Variants in AGK observed in about 807,000 individuals in gnomAD.
The protein encoded by AGK is acylglycerol kinase, also known as acylglycerol kinase, mitochondrial.
Under a neutral mutation model 66.4 loss-of-function variants are expected in AGK, and 52 were observed. That is an observed-to-expected ratio of 0.78 (90% CI 0.63 to 0.99). The LOEUF is 0.99. Among genes scored for constraint, AGK ranks in the 50% least tolerant of loss-of-function variants. The probability of loss-of-function intolerance (pLI) is 0.00; values close to 1 mark genes in which losing one functional copy is unlikely to be tolerated. For synonymous variants in AGK, 182 were observed against 181.1 expected (o/e 1.00, Z -0.04); for missense variants, 451 against 506.6 (o/e 0.89, Z 1.05).
intron 4 of AGK, chr7:141,597,236 T>C (rs1380215042): frequency 6.6e-6 from 1 of 152,408 alleles, no homozygotes; most frequent in African/African-American, 2.4e-5. Flanking sequence ...GTGTGAAGAA[T>C]TGTTGAGACT....
At chr7:141,594,595 C>A (rs1252645623) in intron 3 of AGK, among the ~76,000 whole-genome samples, 1 of 152,160 alleles carries the variant, frequency 6.6e-6, no homozygotes, top group African/African-American at 2.4e-5. Context: ...TCTCTCTCCT[C>A]ATACTTTTTC....
At chr7:141,564,999 T>A (rs1795439852) in intron 2 of AGK, among the ~76,000 whole-genome samples, 1 of 152,126 alleles carries the variant, frequency 6.6e-6, no homozygotes, top group South Asian at 2.1e-4. Flanking sequence ...AGGGCCGGGA[T>A]TAAGGTGTGA....
At chr7:141,647,671 T>G (rs1797448572) in intron 13 of AGK, among the ~76,000 whole-genome samples, 1 of 152,162 alleles carries the variant, frequency 6.6e-6, no homozygotes, top group African/African-American at 2.4e-5. Flanking sequence ...AAAATTATTT[T>G]TATTGATTGA....
At chr7:141,649,363 G>A (rs1376971982) in intron 14 of AGK, 30 bp downstream of exon 14, 5 of 1,533,132 alleles carry the variant, frequency 3.3e-6, no homozygotes, top group Non-Finnish European at 4.5e-6. Flanking sequence ...CAGGAAATGA[G>A]GCTTGTGATT....
At chr7:141,560,986 G>T (rs1364805229) in intron 2 of AGK, among the ~76,000 whole-genome samples, 1 of 151,994 alleles carries the variant, frequency 6.6e-6, no homozygotes, top group Non-Finnish European at 1.5e-5. Flanking sequence ...GTAGAGACGG[G>T]GTTTCATCGT....
intron 11 of AGK, among the ~76,000 whole-genome samples, chr7:141,641,046 C>A (rs774798688): frequency 6.6e-6 from 1 of 152,146 alleles, no homozygotes; most frequent in Non-Finnish European, 1.5e-5. Flanking sequence ...TTGCTGAATT[C>A]ATGGTTTTTA....
chr7:141,566,844 A>AAGTC (rs1795481259), intron 2 of AGK, among the ~76,000 whole-genome samples: 1 of 152,092 alleles, frequency 6.6e-6, no homozygotes, highest in Admixed American at 6.5e-5. Context: ...AATCTTGCTC[A>AAGTC]TACATCTTCA....
At chr7:141,638,870 C>T (rs1051081723) in intron 11 of AGK, among the ~76,000 whole-genome samples, 3 of 152,096 alleles carry the variant, frequency 2.0e-5, no homozygotes, top group Admixed American at 6.6e-5. Flanking sequence ...TGATTTAGGT[C>T]GGAATTCAGC....
At chr7:141,634,878 T>A (rs1447617057) in intron 10 of AGK, among the ~76,000 whole-genome samples, 2 of 152,128 alleles carry the variant, frequency 1.3e-5, no homozygotes, top group Non-Finnish European at 2.9e-5. Flanking sequence ...TTCACTTTAT[T>A]ATTCTTGCTA....
rs117986795 is a variant in AGK, at chr7:141,592,273, G to A, written c.102-873G>A. The stretch of plus-strand genomic sequence containing the variant: ...GGCAAGGGCTATGTTCCTTCTGGAG[G>A]CTCTAGGGGAGAATCCTTTTGCTTT... On this transcript the variant is annotated intron_variant, in intron 2 of 15. Coordinates refer to ENST00000649286, the MANE Select transcript of AGK (RefSeq NM_018238.4). Among the ~76,000 whole-genome samples, 597 of 152,312 alleles carry A rather than the reference G, an allele frequency of 3.9e-3. 3 individuals are homozygous for A. Among genetic ancestry groups the A allele is most frequent in the Non-Finnish European group, 6.1e-3 (418 of 68,030 alleles).
intron 2 of AGK, among the ~76,000 whole-genome samples, chr7:141,589,823 G>A (rs1796071809): frequency 6.6e-6 from 1 of 152,184 alleles, no homozygotes. Flanking sequence ...GCATCCCAAA[G>A]TGCTGGGATT....
rs142209494 is a variant in AGK, at chr7:141,602,921, G to C, written c.297+1641G>C. Among the ~76,000 whole-genome samples the C allele has an allele frequency of 5.9e-3, 888 of 151,718 alleles. 14 individuals carry two copies. The highest frequency in any genetic ancestry group is 0.018 in the East Asian group (94 of 5,180). On this transcript the variant is annotated intron_variant, in intron 5 of 15. Coordinates refer to ENST00000649286, the MANE Select transcript of AGK (RefSeq NM_018238.4). ...GATTTTTCTTGATCTATGTGTTTTT[G>C]AATTTCCAAATCTAAAGTTTTTCTG...
intron 9 of AGK, among the ~76,000 whole-genome samples, chr7:141,631,548 A>T (rs1797056231): frequency 6.6e-6 from 1 of 152,236 alleles, no homozygotes; most frequent in Non-Finnish European, 1.5e-5. Flanking sequence ...GCAAGAAGTC[A>T]TGTTGGCTCT....
Position 141,653,154 on chromosome 7 carries a change from CCTAAACACGGACTT to C in AGK, c.*231_*244del. ...TTATTTTGGTGTGACGGTTGGCCCT[CCTAAACACGGACTT>C]TCCTCAGGCTGGTTCAAGACGGAAA... On this transcript the variant is annotated 3_prime_UTR_variant, in exon 16 of 16. Coordinates refer to ENST00000649286, the MANE Select transcript of AGK (RefSeq NM_018238.4). 1 of 497,818 alleles carries C rather than the reference CCTAAACACGGACTT, an allele frequency of 2.0e-6. No homozygotes were observed. The highest frequency in any genetic ancestry group is 3.6e-6 in the Non-Finnish European group (1 of 276,516). The allele number at this position is 497,818 out of a possible 1,614,324, so 30.8% of individuals were successfully genotyped here.
chr7:141,643,070 G>A lies in AGK; in HGVS notation c.975+1162G>A, dbSNP rs1349238600. Among the ~76,000 whole-genome samples the A allele has an allele frequency of 1.3e-5, 2 of 152,260 alleles. 1 individual carries two copies. Among genetic ancestry groups the A allele is most frequent in the South Asian group, 4.1e-4 (2 of 4,824 alleles). On this transcript the variant is annotated intron_variant, in intron 13 of 15. Coordinates refer to ENST00000649286, the MANE Select transcript of AGK (RefSeq NM_018238.4). ...AATTAGCAGATGGAGTTGGAATGTC[G>A]TGAAAAGTTTGATTCCAATATTAAT...
chr7:141,621,706 T>A, intron 8 of AGK, 26 bp from the exon 9 acceptor site: 1 of 1,572,168 alleles, frequency 6.4e-7, no homozygotes, highest in South Asian at 1.1e-5. Flanking sequence ...TTTTTCATAA[T>A]ATGATCATTT....
chr7:141,581,604 T>C (rs1795882124), intron 2 of AGK, among the ~76,000 whole-genome samples: 1 of 151,776 alleles, frequency 6.6e-6, no homozygotes, highest in Non-Finnish European at 1.5e-5. Flanking sequence ...TGATTAGGTT[T>C]TAATGGGATG....
intron 2 of AGK, among the ~76,000 whole-genome samples, chr7:141,592,729 A>T (rs1796148208): frequency 6.6e-6 from 1 of 151,712 alleles, no homozygotes; most frequent in Non-Finnish European, 1.5e-5. Flanking sequence ...TTTTCAGCAG[A>T]GTCTCGCTCT....
intron 2 of AGK, among the ~76,000 whole-genome samples, chr7:141,581,091 C>T (rs1457834631): frequency 5.9e-5 from 9 of 151,872 alleles, no homozygotes; most frequent in Non-Finnish European, 8.8e-5. Flanking sequence ...CGGACACGAT[C>T]GGCAGGGAGA....
Sources: allele counts gnomAD v4.1 joint callset (sites outside exome capture counted in the v4.1 genomes callset), GRCh38; gene constraint gnomAD v4.1.1; transcripts MANE v1.5; gene names NCBI Gene and HGNC (gene_info 2026-07-23, HGNC 2026-07-21).